The following HMCN2 variants were observed in gnomAD, a reference collection of about 807,000 sequenced individuals.
HMCN2 encodes hemicentin 2, also known as hemicentin-2.
A neutral mutation model predicts 377.5 loss-of-function variants in HMCN2; 325 were observed. The ratio of observed to expected loss-of-function variants is 0.86; its 90% CI spans 0.79 to 0.94. HMCN2 has a LOEUF of 0.94. Among genes scored for constraint, HMCN2 ranks in the 40% least tolerant of loss-of-function variants. The pLI is 0.00. For missense variants in HMCN2, 4,543 were observed against 4,725.3 expected (o/e 0.96, Z 1.13); for synonymous variants, 2,007 against 2,046.8 (o/e 0.98, Z 0.53).
rs369654767 is a variant in HMCN2 at position 130,277,176 on chromosome 9, C to T, written c.260-7427C>T. Among the ~76,000 whole-genome samples the T allele has an allele frequency of 5.3e-5, 8 of 152,368 alleles. No individual in the cohort carries two copies. The East Asian group carries it at 1.3e-3, about 26-fold the overall frequency. ...GCTGGCCCCACACCCTCCTCTTGCC[C>T]AGTGGAAAAAACCCCGCCTGTGGCT... On this transcript the variant is annotated intron_variant, in intron 1 of 97. Coordinates refer to ENST00000683500, the MANE Select transcript of HMCN2 (RefSeq NM_001291815.2).
intron 62 of HMCN2, 139 bp downstream of exon 62, chr9:130,388,679 C>CA (rs1259913852): frequency 2.6e-6 from 1 of 381,526 alleles, no homozygotes; most frequent in African/African-American, 2.2e-5. Context: ...GTTGCCCCCC[C>CA]CCCCACCATT....
At chr9:130,425,214 A>G in intron 89 of HMCN2, 84 bp downstream of exon 89, 1 of 1,407,556 alleles carries the variant, frequency 7.1e-7, no homozygotes, top group South Asian at 1.5e-5. Flanking sequence ...CTGAGCAGCC[A>G]GGCCCACTCT....
intron 1 of HMCN2, among the ~76,000 whole-genome samples, chr9:130,277,811 C>T (rs797043852): frequency 1.4e-5 from 1 of 72,630 alleles, no homozygotes; most frequent in African/African-American, 5.7e-5. Flanking sequence ...ACCACCACCA[C>T]CATCATCATC....
rs531103119 is a variant in HMCN2 at position 130,293,962 on chromosome 9, C to T, written c.613-893C>T. Among the ~76,000 whole-genome samples the T allele has an allele frequency of 1.3e-4, 19 of 150,588 alleles. No individual in the cohort carries two copies. The South Asian group carries it at 2.6e-3, about 20-fold the overall frequency. The stretch of plus-strand genomic sequence containing the variant: ...AGGCAGGGCATTCCTGCAAAGAACA[C>T]GGCATGTATGGGTGGGGGCTGCCTG... On this transcript the variant is annotated intron_variant, in intron 4 of 97. Transcript: ENST00000683500.
Position 130,430,610 on chromosome 9 carries a change from G to T in HMCN2, c.14647+6G>T, listed in dbSNP as rs1844684905. On this transcript the variant is annotated splice_donor_region_variant and intron_variant, in intron 95 of 97. Coordinates refer to ENST00000683500, the MANE Select transcript of HMCN2 (RefSeq NM_001291815.2). ...GCAGAACGGAGTCTGCACAGGTAAG[G>T]CCAGGCCCTGACCATCCACGGGACA... 2.6e-6 allele frequency: 4 copies of T among 1,543,690 alleles called. No individual in the cohort carries two copies. Among genetic ancestry groups the T allele is most frequent in the Non-Finnish European group, 3.5e-6 (4 of 1,142,170 alleles).
intron 21 of HMCN2, among the ~76,000 whole-genome samples, chr9:130,326,563 CA>C (rs1838145174): frequency 6.6e-6 from 1 of 151,566 alleles, no homozygotes; most frequent in Non-Finnish European, 1.5e-5. Context: ...TAGACCCTTA[CA>C]GTCAATATTT....
At chr9:130,354,676 A>G (rs1429630984) in intron 31 of HMCN2, 87 bp from the exon 32 acceptor site, 7 of 1,125,084 alleles carry the variant, frequency 6.2e-6, no homozygotes. Flanking sequence ...GGGGTCGGTG[A>G]GGGGCTTCAG....
intron 61 of HMCN2, among the ~76,000 whole-genome samples, 200 bp downstream of exon 61, chr9:130,386,724 G>T (rs1842042265): frequency 6.6e-6 from 1 of 152,214 alleles, no homozygotes; most frequent in South Asian, 2.1e-4. Flanking sequence ...TGCCCAGGCT[G>T]GTTTCGAACC....
In HMCN2 at chr9:130,326,467, C is replaced by G. The variant is rs1021227531; in HGVS notation, c.3193+497C>G. 3.9e-3 allele frequency among the ~76,000 whole-genome samples: 599 copies of G among 152,218 alleles called. 3 individuals are homozygous for G. The highest frequency in any genetic ancestry group is 0.013 in the African/African-American group (560 of 41,536). On this transcript the variant is annotated intron_variant, in intron 21 of 97. Transcript: ENST00000683500. ...GGGCGGGACCTGTCTCCTTCGCTGC[C>G]GTCCGCAGCATTCCCCATAGGGCTG...
rs1215670668 is a variant in HMCN2 at position 130,391,015 on chromosome 9, C to T, written c.9562C>T (p.Arg3188Cys). 19 of 987,372 alleles carry T rather than the reference C, an allele frequency of 1.9e-5. No individual in the cohort carries two copies. Among genetic ancestry groups the T allele is most frequent in the East Asian group, 1.1e-4 (1 of 8,822 alleles). The allele number at this position is 987,372 out of a possible 1,614,324, so 61.2% of individuals were successfully genotyped here. The stretch of plus-strand genomic sequence containing the variant: ...GCACGGTGTGGTCTCCCGGGGGGGC[C>T]GCCTCCAGCTGAGCCGCCTGCAACC... ...AVHGVVSRGG[R>C]LQLSRLQPAQ... The change falls in exon 63 of 98, where the codon CGC (arginine) becomes TGC (cysteine). Residue 3188 changes from arginine (R) to cysteine (C), a missense_variant. By Grantham distance (180) the Arg-to-Cys change is radical (BLOSUM62 -3). Coordinates refer to ENST00000683500, the MANE Select transcript of HMCN2 (RefSeq NM_001291815.2).
intron 36 of HMCN2, among the ~76,000 whole-genome samples, chr9:130,358,713 G>A (rs548611639): frequency 8.0e-5 from 12 of 149,798 alleles, no homozygotes; most frequent in South Asian, 2.1e-4. Flanking sequence ...TCGCTCTGTC[G>A]CCCAGGCTGG....
At chr9:130,341,788 T>C (rs1446379004) in intron 24 of HMCN2, among the ~76,000 whole-genome samples, 2 of 152,012 alleles carry the variant, frequency 1.3e-5, no homozygotes, top group Non-Finnish European at 2.9e-5. Flanking sequence ...GGTCCAATAG[T>C]ATGTGGGGGG....
At chr9:130,279,397 G>A (rs953219757) in intron 1 of HMCN2, among the ~76,000 whole-genome samples, 1 of 152,012 alleles carries the variant, frequency 6.6e-6, no homozygotes, top group African/African-American at 2.4e-5. Context: ...CTATCACCCA[G>A]GCTGGAGTGC....
At chr9:130,326,717 G>A (rs1458454090) in intron 21 of HMCN2, among the ~76,000 whole-genome samples, 3 of 152,180 alleles carry the variant, frequency 2.0e-5, no homozygotes, top group South Asian at 2.1e-4. Context: ...GACAGGTAGC[G>A]AGTGCCTTCC....
Position 130,422,387 on chromosome 9 carries a change from C to T in HMCN2, c.13232-190C>T, listed in dbSNP as rs1844069726. Among the ~76,000 whole-genome samples the T allele has an allele frequency of 6.6e-6, 1 of 152,204 alleles. No homozygotes were observed. Among genetic ancestry groups the T allele is most frequent in the Non-Finnish European group, 1.5e-5 (1 of 68,030 alleles). ...CCCAGGGTTCCTCCTAACAGCCTCCCTTCCCTTTTAGAGCCAAGATCCCCT... is the reference window on the plus strand; with the variant it reads ...CCCAGGGTTCCTCCTAACAGCCTCCTTTCCCTTTTAGAGCCAAGATCCCCT... On this transcript the variant is annotated intron_variant, in intron 86 of 97. Coordinates refer to ENST00000683500, the MANE Select transcript of HMCN2 (RefSeq NM_001291815.2). This position sits in a 1 kb window ranked among gnomAD's most constrained non-coding sequence, Gnocchi z 4.2.
intron 36 of HMCN2, 90 bp downstream of exon 36, chr9:130,358,576 GGGA>G (rs1210859466): frequency 1.8e-5 from 22 of 1,212,786 alleles, no homozygotes; most frequent in Non-Finnish European, 2.4e-5. Flanking sequence ...GCGAGGGAGG[GGGA>G]GGAGGTTTTT....
At chr9:130,273,550 T>C (rs1554921907) in intron 1 of HMCN2, among the ~76,000 whole-genome samples, 1 of 152,072 alleles carries the variant, frequency 6.6e-6, no homozygotes, top group African/African-American at 2.4e-5. Context: ...CAGGCTGGAG[T>C]GCAGTGGTGC....
chr9:130,417,150 C>A (rs954438728), intron 85 of HMCN2, among the ~76,000 whole-genome samples: 2 of 151,668 alleles, frequency 1.3e-5, no homozygotes, highest in Admixed American at 1.3e-4. Flanking sequence ...TAGGTTCAAG[C>A]AATCCACCCA....
intron 86 of HMCN2, among the ~76,000 whole-genome samples, chr9:130,420,568 C>T (rs1843950271): frequency 6.6e-6 from 1 of 152,160 alleles, no homozygotes; most frequent in Non-Finnish European, 1.5e-5. Flanking sequence ...TCCAGGATCA[C>T]ACTGTCAGCA....
Sources: allele counts gnomAD v4.1 joint callset (sites outside exome capture counted in the v4.1 genomes callset), GRCh38; gene constraint gnomAD v4.1.1; non-coding constraint Gnocchi (gnomAD v3.1); transcripts MANE v1.5; gene names NCBI Gene and HGNC (gene_info 2026-07-23, HGNC 2026-07-21).